The following SCHIP1 variants were observed in gnomAD, a reference collection of about 807,000 sequenced individuals.
SCHIP1 encodes schwannomin interacting protein 1.
SCHIP1 carries 8 observed loss-of-function variants against 29.7 expected under a neutral mutation model. That is an observed-to-expected ratio of 0.27 (90% CI 0.16 to 0.49). The LOEUF (loss-of-function observed/expected upper bound fraction) is 0.49. SCHIP1 is among the 20% of genes least tolerant of loss of function. The pLI, the probability that SCHIP1 is intolerant of heterozygous loss-of-function variation, is 0.99. For synonymous variants in SCHIP1, 76 were observed against 94.9 expected (o/e 0.80, Z 1.16); for missense variants, 193 against 294.6 (o/e 0.66, Z 2.52).
chr3:159,842,997 CTTTCTTTTTTTT>C lies in SCHIP1; in HGVS notation c.30+2787_30+2798del, dbSNP rs1199677120. Among the ~76,000 whole-genome samples the C allele has an allele frequency of 7.1e-4, 44 of 61,774 alleles. 4 individuals are homozygous for C. The South Asian group carries it at 0.022, about 32-fold the overall frequency. 40.5% of individuals were successfully genotyped at this position (61,774 alleles called of 152,430 possible). ...GCTCTCCAGTTCTATCCCAATATTT[CTTTCTTTTTTTT>C]TTTTTTTTTTTTTTTTTTTTGAGAT... On this transcript the variant is annotated intron_variant, in intron 1 of 6. Coordinates refer to ENST00000445224, the Ensembl canonical transcript of SCHIP1.
the SCHIP1 span, among the ~76,000 whole-genome samples, chr3:159,604,107 T>C: frequency 6.6e-6 from 1 of 152,164 alleles, no homozygotes; most frequent in South Asian, 2.1e-4. Flanking sequence ...TAGCACCCCA[T>C]GATCTAGTAC....
chr3:159,637,468 GA>G, the SCHIP1 span, among the ~76,000 whole-genome samples: 1 of 151,572 alleles, frequency 6.6e-6, no homozygotes, highest in African/African-American at 2.4e-5. Flanking sequence ...GTAACCAAGA[GA>G]AAGTCTCTTA....
chr3:159,665,992 G>C, the SCHIP1 span, among the ~76,000 whole-genome samples: 4 of 152,160 alleles, frequency 2.6e-5, no homozygotes, highest in African/African-American at 9.7e-5. Context: ...AAAAGCTCTC[G>C]TTATCGCCTA....
the SCHIP1 span, among the ~76,000 whole-genome samples, chr3:159,487,100 G>T: frequency 1.4e-5 from 2 of 138,644 alleles, no homozygotes; most frequent in Non-Finnish European, 3.1e-5. Context: ...AGATGGCTTT[G>T]CACTAAGATT....
At chr3:159,745,372 C>G in the SCHIP1 span, among the ~76,000 whole-genome samples, 1 of 152,202 alleles carries the variant, frequency 6.6e-6, no homozygotes, top group Non-Finnish European at 1.5e-5. Flanking sequence ...ATGCCCCTGC[C>G]TGCTCCCAGG....
At chr3:159,458,683 G>A in the SCHIP1 span, among the ~76,000 whole-genome samples, 1 of 152,024 alleles carries the variant, frequency 6.6e-6, no homozygotes, top group Non-Finnish European at 1.5e-5. Flanking sequence ...ACACATGAAG[G>A]TAATTGCTTA....
chr3:159,767,514 G>A, the SCHIP1 span, among the ~76,000 whole-genome samples: 1 of 152,148 alleles, frequency 6.6e-6, no homozygotes, highest in African/African-American at 2.4e-5. Flanking sequence ...TGAAGGAACT[G>A]TTCAAATCCA....
the SCHIP1 span, among the ~76,000 whole-genome samples, chr3:159,532,347 T>A: frequency 6.6e-6 from 1 of 152,164 alleles, no homozygotes; most frequent in Non-Finnish European, 1.5e-5. Flanking sequence ...ATCTCAAGAA[T>A]GTAATAGGCA....
At chr3:159,440,551 G>C in the SCHIP1 span, among the ~76,000 whole-genome samples, 2 of 152,064 alleles carry the variant, frequency 1.3e-5, no homozygotes, top group African/African-American at 4.8e-5. Context: ...GTTCTGTTTG[G>C]TAAAATTAGA....
At chr3:159,274,867 T>C in the SCHIP1 span, 3 of 600,570 alleles carry the variant, frequency 5.0e-6, no homozygotes, top group African/African-American at 4.0e-5. Context: ...AATTGTATTA[T>C]AAAATTTATT....
chr3:159,555,605 T>C, the SCHIP1 span, among the ~76,000 whole-genome samples: 1 of 152,196 alleles, frequency 6.6e-6, no homozygotes, highest in Non-Finnish European at 1.5e-5. Context: ...TTTGCATGTA[T>C]GAATATACTG....
In SCHIP1 at chr3:159,861,339, G is replaced by A. The variant is rs1714043289; in HGVS notation, c.31-4824G>A. 6.6e-6 allele frequency among the ~76,000 whole-genome samples: 1 copy of A among 152,204 alleles called. No individual in the cohort carries two copies. Among genetic ancestry groups the A allele is most frequent in the Non-Finnish European group, 1.5e-5 (1 of 68,036 alleles). On this transcript the variant is annotated intron_variant, in intron 1 of 6. Coordinates refer to ENST00000445224, the Ensembl canonical transcript of SCHIP1. This position sits in a 1 kb window ranked among gnomAD's most constrained non-coding sequence, Gnocchi z 4.1. ...TGGGGACATATTAGATTTGAAGATAGATGATACCTACCCATGCTGAACATT... is the reference window on the plus strand; with the variant it reads ...TGGGGACATATTAGATTTGAAGATAAATGATACCTACCCATGCTGAACATT...
At chr3:159,417,167 G>A in the SCHIP1 span, among the ~76,000 whole-genome samples, 1 of 152,156 alleles carries the variant, frequency 6.6e-6, no homozygotes, top group Non-Finnish European at 1.5e-5. Context: ...TTCAAGACAA[G>A]TCTGGAGTGA....
At chr3:159,660,914 T>A in the SCHIP1 span, among the ~76,000 whole-genome samples, 2 of 152,146 alleles carry the variant, frequency 1.3e-5, no homozygotes. Flanking sequence ...TCCATCTATC[T>A]ATCCATCCAT....
chr3:159,810,162 C>T, the SCHIP1 span, among the ~76,000 whole-genome samples: 8 of 152,160 alleles, frequency 5.3e-5, no homozygotes, highest in East Asian at 1.9e-4. Context: ...TCTCCTGCCT[C>T]GGCCTCCCGA....
the SCHIP1 span, among the ~76,000 whole-genome samples, chr3:159,663,172 T>A: frequency 1.3e-5 from 2 of 152,334 alleles, no homozygotes; most frequent in Admixed American, 1.3e-4. Flanking sequence ...CATGTATAGC[T>A]CAGGACCTAA....
At chr3:159,498,619 C>T in the SCHIP1 span, among the ~76,000 whole-genome samples, 3 of 151,990 alleles carry the variant, frequency 2.0e-5, no homozygotes, top group African/African-American at 7.2e-5. Context: ...ATGCTCCCAC[C>T]TACGTATCTT....
chr3:159,392,922 C>G, the SCHIP1 span, among the ~76,000 whole-genome samples: 1 of 152,300 alleles, frequency 6.6e-6, no homozygotes, highest in East Asian at 1.9e-4. Context: ...AGTTTACAGT[C>G]CCACCAACAG....
At chr3:159,386,582 C>A in the SCHIP1 span, among the ~76,000 whole-genome samples, 1 of 152,052 alleles carries the variant, frequency 6.6e-6, no homozygotes, top group African/African-American at 2.4e-5. Flanking sequence ...GCCCACATAG[C>A]CAAGACAATC....
Sources: gnomAD v4.1 joint callset for allele counts (sites outside exome capture counted in the v4.1 genomes callset) on GRCh38, gnomAD v4.1.1 for gene constraint, Gnocchi (gnomAD v3.1) non-coding constraint, MANE v1.5 for transcripts, NCBI Gene and HGNC (gene_info 2026-07-23, HGNC 2026-07-21) for gene names.